KLHL15: variants seen among roughly 807,000 people sequenced by gnomAD.
KLHL15 encodes kelch like family member 15, also known as kelch-like protein 15.
Under a neutral mutation model 29.3 loss-of-function variants are expected in KLHL15, and 1 was observed. The ratio of observed to expected loss-of-function variants is 0.03; its 90% CI spans 0.01 to 0.16. The LOEUF (loss-of-function observed/expected upper bound fraction) is 0.16. Ranked by LOEUF, KLHL15 falls within the 10% of genes least tolerant of loss-of-function variation. The pLI is 1.00. For synonymous variants in KLHL15, 212 were observed against 184.5 expected, an observed-to-expected ratio of 1.15 and a Z score of -1.21; for missense variants, 215 against 478.5, an observed-to-expected ratio of 0.45 and a Z score of 5.14.
chrX:24,025,915 C>G (rs866996041), intron 1 of KLHL15, among the ~76,000 whole-genome samples: 1 of 111,051 alleles, frequency 9.0e-6, no homozygotes, highest in Middle Eastern at 4.7e-3. Context: ...CGTCCCCTTG[C>G]AGCGGTCTCT....
In KLHL15 at chrX:24,008,879, A is replaced by AAAC. The variant is rs1555977246; in HGVS notation, c.-7-2180_-7-2179insGTT. Among the ~76,000 whole-genome samples, 7 of 86,110 alleles carry AAAC rather than the reference A, an allele frequency of 8.1e-5. No homozygotes were observed. In the South Asian group the frequency reaches 3.3e-3, roughly 41 times the overall value. The allele number at this position is 86,110 out of a possible 115,157, so 74.8% of individuals were successfully genotyped here. The stretch of plus-strand genomic sequence containing the variant: ...TACTCCCACGCGTGTTAGAAAAAAA[A>AAAC]AAAACAAAACAAAAAAAAAACTTTT... On this transcript the variant is annotated intron_variant, in intron 2 of 3. Coordinates refer to ENST00000328046, the MANE Select transcript of KLHL15 (RefSeq NM_030624.3).
rs1929028321 is a variant in KLHL15 at position 23,988,819 on chromosome X, A to T, written c.917T>A (p.Val306Asp). 8.3e-7 allele frequency: 1 copy of T among 1,210,926 alleles called. No homozygotes were observed. Among genetic ancestry groups the T allele is most frequent in the Non-Finnish European group, 1.1e-6 (1 of 895,250 alleles). The change falls in exon 4 of 4, where the codon GTC becomes GAC. Residue 306 changes from valine (V) to aspartate (D), a missense_variant. By Grantham distance (152) the Val-to-Asp change is radical. Coordinates refer to ENST00000328046, the MANE Select transcript of KLHL15 (RefSeq NM_030624.3). ...TTGTGGGCCTTCTAGCTCCCACCAG[A>T]CTCTTGGTTTCTTTAAGAGAAGTAT... ...SKILLLKKPRVWWELEGPQVP... is the reference protein window; with the variant it reads ...SKILLLKKPRDWWELEGPQVP...
chrX:24,023,519 C>A (rs958883313), intron 2 of KLHL15, among the ~76,000 whole-genome samples: 8 of 111,937 alleles, frequency 7.1e-5, no homozygotes, highest in African/African-American at 2.6e-4. Flanking sequence ...ACAATATACC[C>A]AAAAATGCTT....
rs1369767282 is a variant in KLHL15, at chrX:23,985,267, CTTT to C, written c.*2651_*2653del. 1 of 111,272 alleles carries C rather than the reference CTTT, an allele frequency of 9.0e-6. No individual in the cohort carries two copies. Among genetic ancestry groups the C allele is most frequent in the East Asian group, 2.8e-4 (1 of 3,577 alleles). The allele number at this position is 111,272 out of a possible 1,213,427, so 9.2% of individuals were successfully genotyped here. Reference sequence around the variant, plus strand: ...TCTTACTGAATTTTTCAAAAAACTACTTTTTTGAGCGCAATGTATATAAACAAA... The same window carrying C: ...TCTTACTGAATTTTTCAAAAAACTACTTTGAGCGCAATGTATATAAACAAA... On this transcript the variant is annotated 3_prime_UTR_variant, in exon 4 of 4. Transcript: ENST00000328046.
chrX:24,013,822 A>G (rs766710803), intron 2 of KLHL15, among the ~76,000 whole-genome samples: 13 of 110,620 alleles, frequency 1.2e-4, no homozygotes, highest in Non-Finnish European at 1.3e-4. Context: ...AGCCTAAGCA[A>G]CATAGCGAGT....
At chrX:23,990,809 ATCTT>A (rs1165222897) in intron 3 of KLHL15, among the ~76,000 whole-genome samples, 5 of 108,752 alleles carry the variant, frequency 4.6e-5, no homozygotes, top group African/African-American at 1.3e-4. Context: ...CCTCCTTCCT[ATCTT>A]TCTTTCTTTA....
chrX:23,997,320 C>T (rs767198307), intron 3 of KLHL15, among the ~76,000 whole-genome samples: 33 of 112,037 alleles, frequency 2.9e-4, no homozygotes, highest in South Asian at 1.5e-3. Flanking sequence ...CCCCTGTAGT[C>T]CCAGCTACTC....
intron 1 of KLHL15, 95 bp from the exon 2 acceptor site, chrX:24,025,153 C>CG (rs913529313): frequency 4.9e-5 from 14 of 288,491 alleles, no homozygotes; most frequent in Non-Finnish European, 8.5e-5. Flanking sequence ...TTGCCAACGC[C>CG]GGGGGCCTCG....
intron 2 of KLHL15, among the ~76,000 whole-genome samples, chrX:24,011,341 TAA>T (rs565354614): frequency 9.5e-5 from 8 of 83,907 alleles, no homozygotes; most frequent in Non-Finnish European, 7.1e-5. Context: ...CACTGTCTCT[TAA>T]AAAAAAAAAA....
intron 3 of KLHL15, among the ~76,000 whole-genome samples, chrX:23,991,004 A>G (rs1248543700): frequency 9.0e-6 from 1 of 110,696 alleles, no homozygotes; most frequent in Non-Finnish European, 1.9e-5. Flanking sequence ...ACATCAGCAA[A>G]GGGGTAAATA....
In KLHL15 at chrX:23,988,581, T is replaced by C. The variant is rs964453751; in HGVS notation, c.1155A>G (p.Ala385=). 9.9e-6 allele frequency: 12 copies of C among 1,211,626 alleles called. No homozygotes were observed. Among genetic ancestry groups the C allele is most frequent in the Non-Finnish European group, 1.3e-5 (12 of 895,365 alleles). ...GVIGKFIYAV[A]GRTRDETFYS... The stretch of plus-strand genomic sequence containing the variant: ...AGAAAGTCTCATCTCTGGTTCTGCC[T>C]GCTACGGCGTAAATAAACTTCCCAA... Residue 385 remains alanine (A), a synonymous_variant, in exon 4 of 4, where the codon GCA becomes GCG. Transcript: ENST00000328046.
intron 2 of KLHL15, among the ~76,000 whole-genome samples, chrX:24,017,570 C>T (rs1474505283): frequency 9.2e-6 from 1 of 109,253 alleles, no homozygotes; most frequent in African/African-American, 3.3e-5. Flanking sequence ...CGCTTGAGCT[C>T]GGGAGTTCGA....
At position 24,025,043 on chromosome X, in the gene KLHL15, C is replaced by T. The variant is rs895881686; in HGVS notation, c.-194G>A. On this transcript the variant is annotated 5_prime_UTR_variant, in exon 2 of 4. Transcript: ENST00000328046. ...GGGCACGAGAGTGCTCGCCTGCAGC[C>T]CCCTCTGGATAAGTCCTGGGAAAGA... The T allele has an allele frequency of 3.0e-5, 9 of 296,702 alleles. No homozygotes were observed. The highest frequency in any genetic ancestry group is 2.4e-4 in the African/African-American group (9 of 36,888). 24.5% of individuals were successfully genotyped at this position (296,702 alleles called of 1,213,427 possible).
chrX:24,015,459 T>C (rs966727938), intron 2 of KLHL15, among the ~76,000 whole-genome samples: 2 of 112,486 alleles, frequency 1.8e-5, no homozygotes, highest in Non-Finnish European at 3.7e-5. Flanking sequence ...AAAAGCTTAG[T>C]GCATTTATCA....
intron 2 of KLHL15, among the ~76,000 whole-genome samples, chrX:24,011,973 A>C (rs1929584147): frequency 9.0e-6 from 1 of 111,683 alleles, no homozygotes; most frequent in African/African-American, 3.3e-5. Context: ...ACATGGCAAA[A>C]CCTTGTCTCT....
intron 2 of KLHL15, among the ~76,000 whole-genome samples, chrX:24,023,718 T>G (rs1209790904): frequency 1.8e-5 from 2 of 112,319 alleles, no homozygotes; most frequent in Non-Finnish European, 3.8e-5. Context: ...CAAGTTAACA[T>G]CCTCTACCAC....
At chrX:23,991,596 C>G (rs1800980889) in intron 3 of KLHL15, among the ~76,000 whole-genome samples, 3 of 111,888 alleles carry the variant, frequency 2.7e-5, no homozygotes, top group Admixed American at 1.9e-4. Flanking sequence ...GATCCCAGCA[C>G]TTTGACAGGC....
intron 1 of KLHL15, 83 bp from the exon 2 acceptor site, chrX:24,025,141 C>A (rs928390639): frequency 6.9e-6 from 2 of 291,897 alleles, no homozygotes; most frequent in Admixed American, 6.2e-5. Context: ...CCCGGACCGA[C>A]CTTGCCAACG....
At chrX:24,014,514 CAAAA>C (rs1466511678) in intron 2 of KLHL15, among the ~76,000 whole-genome samples, 5 of 72,500 alleles carry the variant, frequency 6.9e-5, no homozygotes, top group Non-Finnish European at 8.8e-5. Context: ...TATGCTTTCT[CAAAA>C]AAACAAAAAA....
Sources: allele counts gnomAD v4.1 joint callset (sites outside exome capture counted in the v4.1 genomes callset), GRCh38; gene constraint gnomAD v4.1.1; transcripts MANE v1.5; gene names NCBI Gene and HGNC (gene_info 2026-07-23, HGNC 2026-07-21).